Variants in ADGRL2 observed in about 807,000 individuals in gnomAD.
ADGRL2 encodes the protein calcium-independent alpha-latrotoxin receptor 2.
ADGRL2 carries 44 observed loss-of-function variants against 157.4 expected under a neutral mutation model. That is an observed-to-expected ratio of 0.28 (90% CI 0.22 to 0.36). ADGRL2 has a LOEUF of 0.36. Ranked by LOEUF, ADGRL2 falls within the 10% of genes least tolerant of loss-of-function variation. The probability of loss-of-function intolerance (pLI) is 1.00; values close to 1 mark genes in which losing one functional copy is unlikely to be tolerated. For missense variants in ADGRL2, 1,510 were observed against 1,768.9 expected, an observed-to-expected ratio of 0.85 and a Z score of 2.63; for synonymous variants, 585 against 624.7, an observed-to-expected ratio of 0.94 and a Z score of 0.95.
At chr1:81,598,112 GA>G (rs1204737249) in intron 3 of ADGRL2, among the ~76,000 whole-genome samples, 4 of 152,144 alleles carry the variant, frequency 2.6e-5, no homozygotes, top group African/African-American at 7.2e-5. Context: ...CTCAGAGCCA[GA>G]AAAAAGTCCT....
intron 2 of ADGRL2, among the ~76,000 whole-genome samples, chr1:81,448,421 C>T (rs527237553): frequency 2.0e-5 from 3 of 152,180 alleles, no homozygotes; most frequent in African/African-American, 7.2e-5. Flanking sequence ...GCTGTGATTA[C>T]AGGCATGAGC....
At chr1:81,479,440 G>GC (rs1413870012) in intron 2 of ADGRL2, among the ~76,000 whole-genome samples, 1 of 151,984 alleles carries the variant, frequency 6.6e-6, no homozygotes, top group Non-Finnish European at 1.5e-5. Flanking sequence ...CCAAGATCGC[G>GC]CCATTGCACT....
chr1:81,309,197 T>A (rs1659559007), intron 1 of ADGRL2, among the ~76,000 whole-genome samples: 1 of 152,090 alleles, frequency 6.6e-6, no homozygotes, highest in Non-Finnish European at 1.5e-5. Flanking sequence ...ATATTTCAAA[T>A]TTCAAGAAGG....
At chr1:81,483,706 C>T (rs890331765) in intron 2 of ADGRL2, among the ~76,000 whole-genome samples, 1 of 152,130 alleles carries the variant, frequency 6.6e-6, no homozygotes, top group African/African-American at 2.4e-5. Flanking sequence ...GAGATGTTAA[C>T]CAGGTTATTC....
chr1:81,764,135 T>G (rs2086017635), intron 2 of ADGRL2, among the ~76,000 whole-genome samples: 2 of 142,566 alleles, frequency 1.4e-5, no homozygotes, highest in African/African-American at 2.7e-5. Flanking sequence ...GAGATTGCAG[T>G]GAGCTGAGAT....
intron 3 of ADGRL2, among the ~76,000 whole-genome samples, chr1:81,654,058 G>T (rs2082479034): frequency 6.6e-6 from 1 of 152,082 alleles, no homozygotes; most frequent in South Asian, 2.1e-4. Context: ...CAATTCTCCT[G>T]CCTCAGCCTC....
chr1:81,950,121 A>G lies in ADGRL2; in HGVS notation c.1211-68A>G, dbSNP rs554233858. On this transcript the variant is annotated intron_variant, in intron 6 of 23. Coordinates refer to ENST00000686636, the MANE Select transcript of ADGRL2 (RefSeq NM_001366006.2). ...GTGTGTGTGTGCATGCACACATTCCATGTGTGCATGACTGTATGTGAGTGC... is the reference window on the plus strand; with the variant it reads ...GTGTGTGTGTGCATGCACACATTCCGTGTGTGCATGACTGTATGTGAGTGC... 4.0e-5 allele frequency: 52 copies of G among 1,315,370 alleles called. No individual in the cohort carries two copies. The African/African-American group carries it at 4.8e-4, about 12-fold the overall frequency. The allele number at this position is 1,315,370 out of a possible 1,614,324, so 81.5% of individuals were successfully genotyped here.
At chr1:81,600,095 A>G (rs904030213) in intron 3 of ADGRL2, among the ~76,000 whole-genome samples, 1 of 152,184 alleles carries the variant, frequency 6.6e-6, no homozygotes, top group Non-Finnish European at 1.5e-5. Flanking sequence ...TAACTTTAAG[A>G]CAGTAATATG....
At chr1:81,847,236 C>T (rs2092828230) in intron 2 of ADGRL2, among the ~76,000 whole-genome samples, 1 of 151,696 alleles carries the variant, frequency 6.6e-6, no homozygotes, top group African/African-American at 2.4e-5. Context: ...TAGAATAGTG[C>T]CCCTCAAAAG....
At chr1:81,676,739 T>C (rs1424355533) in intron 3 of ADGRL2, among the ~76,000 whole-genome samples, 1 of 151,984 alleles carries the variant, frequency 6.6e-6, no homozygotes, top group Non-Finnish European at 1.5e-5. Flanking sequence ...CAGGCTGGAG[T>C]GCAGTGGCGC....
At chr1:81,855,314 A>C (rs141834294) in intron 2 of ADGRL2, among the ~76,000 whole-genome samples, 5 of 151,936 alleles carry the variant, frequency 3.3e-5, no homozygotes, top group Admixed American at 2.0e-4. Context: ...AGTGACATGC[A>C]CCCATGGTCC....
intron 1 of ADGRL2, among the ~76,000 whole-genome samples, chr1:81,379,847 T>A (rs1333325493): frequency 5.9e-5 from 9 of 152,108 alleles, no homozygotes; most frequent in Non-Finnish European, 1.2e-4. Context: ...TGGACCAGAG[T>A]GCTCTTGGAA....
intron 3 of ADGRL2, among the ~76,000 whole-genome samples, chr1:81,626,388 C>G (rs919134394): frequency 6.6e-6 from 1 of 152,210 alleles, no homozygotes; most frequent in Non-Finnish European, 1.5e-5. Flanking sequence ...TCACTGCAGC[C>G]TCAACCTCCC....
intron 2 of ADGRL2, among the ~76,000 whole-genome samples, chr1:81,537,944 T>C (rs1015697950): frequency 6.6e-6 from 1 of 152,094 alleles, no homozygotes; most frequent in African/African-American, 2.4e-5. Context: ...AGGTGATCCA[T>C]CTGCCTTGGT....
In ADGRL2 at chr1:81,879,082, A is replaced by G. The variant is rs2093918204; in HGVS notation, c.74-27935A>G. 3.3e-5 allele frequency among the ~76,000 whole-genome samples: 5 copies of G among 152,220 alleles called. No homozygotes were observed. In the South Asian group the frequency reaches 8.3e-4, roughly 25 times the overall value. ...TGTATCTTCTTCCTTTACCCCTTCA[A>G]TGAATGATCTGTAACTCTGATAAAA... On this transcript the variant is annotated intron_variant, in intron 2 of 23. Coordinates refer to ENST00000686636, the MANE Select transcript of ADGRL2 (RefSeq NM_001366006.2).
intron 3 of ADGRL2, among the ~76,000 whole-genome samples, chr1:81,591,655 C>T (rs1415317024): frequency 6.6e-6 from 1 of 152,098 alleles, no homozygotes; most frequent in Non-Finnish European, 1.5e-5. Context: ...CAGAATATGA[C>T]AAAAGTGACG....
At chr1:81,365,636 G>A (rs527353942) in intron 1 of ADGRL2, among the ~76,000 whole-genome samples, 1 of 152,244 alleles carries the variant, frequency 6.6e-6, no homozygotes, top group Admixed American at 6.5e-5. Context: ...TAATAATATT[G>A]GTTGGGAAGG....
chr1:81,913,211 T>C (rs2094773791), intron 3 of ADGRL2, among the ~76,000 whole-genome samples: 1 of 152,204 alleles, frequency 6.6e-6, no homozygotes, highest in Admixed American at 6.5e-5. Flanking sequence ...TAACCTATTA[T>C]CTCTAAGTAT....
intron 14 of ADGRL2, 111 bp from the exon 15 acceptor site, chr1:81,969,067 A>G (rs1657966201): frequency 1.3e-6 from 1 of 762,970 alleles, no homozygotes; most frequent in South Asian, 1.7e-5. Context: ...TATGAATAGT[A>G]TTCTTCAAAG....
Sources: gnomAD v4.1 joint callset for allele counts (sites outside exome capture counted in the v4.1 genomes callset) on GRCh38, gnomAD v4.1.1 for gene constraint, MANE v1.5 for transcripts, NCBI Gene and HGNC (gene_info 2026-07-23, HGNC 2026-07-21) for gene names.